PRDM16: variants seen among roughly 807,000 people sequenced by gnomAD.
PRDM16 encodes the protein PR/SET domain 16, also known as histone-lysine N-methyltransferase PRDM16.
A neutral mutation model predicts 110.6 loss-of-function variants in PRDM16; 23 were observed. The ratio of observed to expected loss-of-function variants is 0.21; its 90% CI spans 0.15 to 0.29. PRDM16 has a LOEUF of 0.29. Ranked by LOEUF, PRDM16 falls within the 10% of genes least tolerant of loss-of-function variation. The probability of loss-of-function intolerance (pLI) is 1.00; values close to 1 mark genes in which losing one functional copy is unlikely to be tolerated. For missense variants in PRDM16, 1,615 were observed against 1,794.3 expected, an observed-to-expected ratio of 0.90 and a Z score of 1.81; for synonymous variants, 799 against 781.8, an observed-to-expected ratio of 1.02 and a Z score of -0.37.
chr1:3,269,238 C>T (rs958421299), intron 3 of PRDM16, among the ~76,000 whole-genome samples: 8 of 152,194 alleles, frequency 5.3e-5, no homozygotes, highest in Admixed American at 1.3e-4. Flanking sequence ...AGGAGGAGGA[C>T]GGCCCCAGAG....
chr1:3,289,843 C>T (rs1570002513), intron 3 of PRDM16, among the ~76,000 whole-genome samples: 2 of 152,094 alleles, frequency 1.3e-5, no homozygotes, highest in East Asian at 1.9e-4. Flanking sequence ...ACCCAGGAGT[C>T]AGGACCCCAC....
chr1:3,207,043 A>G (rs1638767867), intron 2 of PRDM16: 5 of 152,228 alleles, frequency 3.3e-5, no homozygotes, highest in Admixed American at 3.3e-4. Context: ...TGGGATGCAG[A>G]GCAGAGGAGA....
At chr1:3,200,658 A>C (rs765243498) in intron 2 of PRDM16, among the ~76,000 whole-genome samples, 2 of 152,146 alleles carry the variant, frequency 1.3e-5, no homozygotes, top group Non-Finnish European at 2.9e-5. Context: ...GGATTTTAAA[A>C]CAGCCTGGGA....
intron 1 of PRDM16, among the ~76,000 whole-genome samples, chr1:3,171,937 C>G (rs1292885466): frequency 6.6e-6 from 1 of 152,116 alleles, no homozygotes; most frequent in African/African-American, 2.4e-5. Flanking sequence ...AGCCCCCCGG[C>G]CTCCGCGCCA....
chr1:3,238,611 G>A (rs908158919), intron 2 of PRDM16, among the ~76,000 whole-genome samples: 1 of 152,234 alleles, frequency 6.6e-6, no homozygotes, highest in Non-Finnish European at 1.5e-5. Context: ...CCAGAGGCGG[G>A]GCGGCCGGCG....
intron 3 of PRDM16, among the ~76,000 whole-genome samples, chr1:3,376,436 A>T (rs1642991582): frequency 6.6e-6 from 1 of 152,068 alleles, no homozygotes; most frequent in African/African-American, 2.4e-5. Context: ...GCTGCATCTG[A>T]ATTCTGGGCC....
chr1:3,404,971 T>G (rs1268354807), intron 7 of PRDM16, 85 bp downstream of exon 7: 10 of 1,455,308 alleles, frequency 6.9e-6, no homozygotes, highest in Non-Finnish European at 8.3e-6. Flanking sequence ...CTACACCCCC[T>G]GGTCCAAATG....
In PRDM16 at chr1:3,405,481, A is replaced by G. The variant is rs778504357; in HGVS notation, c.1033-14A>G. Reference sequence around the variant, plus strand: ...TCCAGGCAGGGCACGCGCCAACGGCATCCGTCTCCCCAGGTGTTCACGGAC... The same window carrying G: ...TCCAGGCAGGGCACGCGCCAACGGCGTCCGTCTCCCCAGGTGTTCACGGAC... On this transcript the variant is annotated splice_polypyrimidine_tract_variant and intron_variant, in intron 7 of 16. Coordinates refer to ENST00000270722, the MANE Select transcript of PRDM16 (RefSeq NM_022114.4). 2.4e-5 allele frequency: 38 copies of G among 1,553,892 alleles called. No homozygotes were observed. The highest frequency in any genetic ancestry group is 3.1e-5 in the Non-Finnish European group (36 of 1,146,696).
At chr1:3,097,250 T>G (rs535434182) in intron 1 of PRDM16, among the ~76,000 whole-genome samples, 1 of 152,340 alleles carries the variant, frequency 6.6e-6, no homozygotes, top group African/African-American at 2.4e-5. Flanking sequence ...GGTCATCTGT[T>G]GTCCGTGTGA....
intron 4 of PRDM16, among the ~76,000 whole-genome samples, chr1:3,392,276 G>A (rs1034811443): frequency 1.3e-5 from 2 of 152,216 alleles, no homozygotes; most frequent in Admixed American, 6.5e-5. Flanking sequence ...ATCCAGAATG[G>A]TGAGCGATTG....
chr1:3,186,723 A>G (rs974851445), intron 2 of PRDM16: 4 of 459,788 alleles, frequency 8.7e-6, no homozygotes, highest in Non-Finnish European at 1.5e-5. Flanking sequence ...TGTGTCTTTC[A>G]TGAGCTCATG....
intron 1 of PRDM16, among the ~76,000 whole-genome samples, chr1:3,117,084 C>T (rs772677449): frequency 2.6e-5 from 4 of 152,216 alleles, no homozygotes; most frequent in South Asian, 2.1e-4. Flanking sequence ...GCAAGGGGCT[C>T]CTATCGGGGG....
intron 2 of PRDM16, among the ~76,000 whole-genome samples, chr1:3,198,050 G>T (rs911376648): frequency 6.6e-6 from 1 of 152,218 alleles, no homozygotes; most frequent in Non-Finnish European, 1.5e-5. Context: ...TGAGGGTGAC[G>T]CAACTGCTCA....
At chr1:3,287,947 A>C (rs951159668) in intron 3 of PRDM16, among the ~76,000 whole-genome samples, 33 of 152,250 alleles carry the variant, frequency 2.2e-4, no homozygotes, top group African/African-American at 8.0e-4. Flanking sequence ...GGGCAGCTGC[A>C]TGGCCGCATT....
chr1:3,338,460 T>C (rs1642206153), intron 3 of PRDM16, among the ~76,000 whole-genome samples: 1 of 152,266 alleles, frequency 6.6e-6, no homozygotes, highest in East Asian at 1.9e-4. Flanking sequence ...AGGGCCAAGG[T>C]GCCCTCCTGG....
chr1:3,335,879 G>A (rs925347330), intron 3 of PRDM16, among the ~76,000 whole-genome samples: 1 of 152,204 alleles, frequency 6.6e-6, no homozygotes, highest in Non-Finnish European at 1.5e-5. Context: ...CTGCACTGAA[G>A]TGTGGGAGAG....
At chr1:3,181,136 G>GCGGTCTTA (rs1644160297) in intron 1 of PRDM16, among the ~76,000 whole-genome samples, 4 of 67,488 alleles carry the variant, frequency 5.9e-5, no homozygotes, top group South Asian at 5.3e-4. Flanking sequence ...AGTCTTACAC[G>GCGGTCTTA]CGGTCTTACA....
Position 3,353,101 on chromosome 1 carries a change from C to T in PRDM16, c.439-32051C>T, listed in dbSNP as rs550887871. On this transcript the variant is annotated intron_variant, in intron 3 of 16. Coordinates refer to ENST00000270722, the MANE Select transcript of PRDM16 (RefSeq NM_022114.4). The surrounding 1 kb of genome is among the most constrained non-coding windows in gnomAD (Gnocchi z 5.4). ...GAAAGGGAGGCTGCAGCCGCACACC[C>T]GAAGAGCTCGAAAGCTGGCCCCCAG... Among the ~76,000 whole-genome samples the T allele has an allele frequency of 1.1e-4, 16 of 152,312 alleles. No individual in the cohort carries two copies. Among genetic ancestry groups the T allele is most frequent in the Admixed American group, 3.9e-4 (6 of 15,300 alleles).
chr1:3,416,100 G>T (rs951498456), intron 10 of PRDM16, among the ~76,000 whole-genome samples: 2 of 152,244 alleles, frequency 1.3e-5, no homozygotes, highest in African/African-American at 4.8e-5. Context: ...AGGGGCCAGA[G>T]GGGAGGCCTT....
Sources: allele counts gnomAD v4.1 joint callset (sites outside exome capture counted in the v4.1 genomes callset), GRCh38; gene constraint gnomAD v4.1.1; non-coding constraint Gnocchi (gnomAD v3.1); transcripts MANE v1.5; gene names NCBI Gene and HGNC (gene_info 2026-07-23, HGNC 2026-07-21).